Variants in CBL observed in about 807,000 individuals in gnomAD.
CBL encodes Cbl proto-oncogene.
A neutral mutation model predicts 96.9 loss-of-function variants in CBL; 45 were observed. The ratio of observed to expected loss-of-function variants is 0.46; its 90% CI spans 0.37 to 0.60. CBL has a LOEUF of 0.60. CBL is among the 20% of genes least tolerant of loss of function. The pLI, the probability that CBL is intolerant of heterozygous loss-of-function variation, is 0.00. For missense variants in CBL, 1,024 were observed against 1,143.5 expected (o/e 0.90, Z 1.51); for synonymous variants, 420 against 426.8 (o/e 0.98, Z 0.20).
chr11:119,278,046 G>C, intron 7 of CBL, 120 bp from the exon 8 acceptor site: 1 of 968,582 alleles, frequency 1.0e-6, no homozygotes. Context: ...ATAAACCACT[G>C]TTGTGACATT....
rs1343052424 is a variant in CBL at position 119,307,822 on chromosome 11, C to T, written c.*8041C>T. On this transcript the variant is annotated 3_prime_UTR_variant, in exon 16 of 16. Transcript: ENST00000264033. Reference sequence around the variant, plus strand: ...AGTGTTAAGAAGAAAACAAAACAAACACATAGGTGAGATTTTCGTGGACTA... The same window carrying T: ...AGTGTTAAGAAGAAAACAAAACAAATACATAGGTGAGATTTTCGTGGACTA... 9.4e-6 allele frequency: 2 copies of T among 211,664 alleles called. No individual in the cohort carries two copies. Among genetic ancestry groups the T allele is most frequent in the African/African-American group, 4.5e-5 (2 of 44,104 alleles). The allele number at this position is 211,664 out of a possible 1,614,324, so 13.1% of individuals were successfully genotyped here.
rs1949975722 is a variant in CBL, at chr11:119,285,393, T to A, written c.1768T>A (p.Trp590Arg). The A allele has an allele frequency of 1.2e-6, 2 of 1,614,172 alleles. No homozygotes were observed. Among genetic ancestry groups the A allele is most frequent in the East Asian group, 2.2e-5 (1 of 44,880 alleles). Residue 590 changes from tryptophan (W) to arginine (R), a missense_variant, in exon 11 of 16, where the codon TGG (tryptophan) becomes AGG (arginine). By Grantham distance (101) the Trp-to-Arg change is moderately radical. Transcript: ENST00000264033. ...CCCCTCTAGCCGCCTTGGAGACTCA[T>A]GGCTGCCCCGGCCAATCCCCAAAGT... ...PVPSSRLGDS[W>R]LPRPIPKVPV... is the part of the protein sequence containing the mutation.
At position 119,297,384 on chromosome 11, in the gene CBL, A is replaced by C; in HGVS notation, c.2154A>C (p.Arg718=). The change falls in exon 14 of 16, where the codon CGA becomes CGC. Residue 718 remains arginine (R), a splice_region_variant and synonymous_variant. Coordinates refer to ENST00000264033, the MANE Select transcript of CBL (RefSeq NM_005188.4). The part of the protein sequence containing the change: ...LRPLDTSQSS[R]ACDCDQQIDS... The stretch of plus-strand genomic sequence containing the variant: ...TTATGGCACTTTCCTTCTGGTTCAG[A>C]GCATGTGATTGCGACCAGCAGATTG... The C allele has an allele frequency of 6.2e-7, 1 of 1,610,244 alleles. No homozygotes were observed. Among genetic ancestry groups the C allele is most frequent in the Non-Finnish European group, 8.5e-7 (1 of 1,176,682 alleles).
intron 2 of CBL, among the ~76,000 whole-genome samples, chr11:119,261,134 G>A (rs1179538443): frequency 2.6e-5 from 4 of 151,490 alleles, no homozygotes; most frequent in African/African-American, 7.3e-5. Flanking sequence ...GGCTGGTCTC[G>A]AACTCCTGAC....
chr11:119,300,210 G>A lies in CBL; in HGVS notation c.*429G>A, dbSNP rs1338528576. 4.3e-6 allele frequency: 2 copies of A among 466,924 alleles called. No homozygotes were observed. Among genetic ancestry groups the A allele is most frequent in the East Asian group, 3.1e-5 (1 of 31,750 alleles). The allele number at this position is 466,924 out of a possible 1,614,324, so 28.9% of individuals were successfully genotyped here. On this transcript the variant is annotated 3_prime_UTR_variant, in exon 16 of 16. Transcript: ENST00000264033. ...ATTATAAGATTAACCTGCTGTGTGT[G>A]TTAATTCCAGGCAGGGAATTAGCAC...
intron 1 of CBL, among the ~76,000 whole-genome samples, chr11:119,230,335 G>T (rs185637375): frequency 6.6e-6 from 1 of 152,016 alleles, no homozygotes; most frequent in Non-Finnish European, 1.5e-5. Context: ...AGTATTTTTA[G>T]TAGAGACGGG....
chr11:119,228,085 C>T (rs560004434), intron 1 of CBL, among the ~76,000 whole-genome samples: 5 of 151,206 alleles, frequency 3.3e-5, no homozygotes, highest in South Asian at 2.1e-4. Flanking sequence ...TTCTAGGAGG[C>T]GTCCTCTTCT....
rs977990468 is a variant in CBL, at chr11:119,247,136, G to A, written c.443+14441G>A. On this transcript the variant is annotated intron_variant, in intron 2 of 15. Transcript: ENST00000264033. Reference sequence around the variant, plus strand: ...TTTGGAGAAACACTCTGCCAGTTATGCAAGTCTGAATAGCCATAGTTAGTC... The same window carrying A: ...TTTGGAGAAACACTCTGCCAGTTATACAAGTCTGAATAGCCATAGTTAGTC... Among the ~76,000 whole-genome samples the A allele has an allele frequency of 7.9e-5, 12 of 152,276 alleles. No homozygotes were observed. In the South Asian group the frequency reaches 1.7e-3, roughly 21 times the overall value.
chr11:119,236,046 A>G (rs762164771), intron 2 of CBL, among the ~76,000 whole-genome samples: 5 of 151,598 alleles, frequency 3.3e-5, no homozygotes, highest in Non-Finnish European at 7.4e-5. Flanking sequence ...TTTTTTTCCT[A>G]TTCAGTTTTT....
rs756435557 is a variant in CBL, at chr11:119,287,938, G to A, written c.2028G>A (p.Leu676=). 1 of 1,611,300 alleles carries A rather than the reference G, an allele frequency of 6.2e-7. No homozygotes were observed. The highest frequency in any genetic ancestry group is 1.1e-5 in the South Asian group (1 of 91,024). Residue 676 remains leucine, a synonymous_variant, in exon 12 of 16, where the codon CTG becomes CTA. Transcript: ENST00000264033. ...PSSSANAIYS[L]AARPLPVPKL... ...CATCTGCCAATGCCATTTATTCTCT[G>A]GCTGCCAGGTAAGTCTGCTAAAGCT...
At chr11:119,250,117 C>A (rs1359565895) in intron 2 of CBL, among the ~76,000 whole-genome samples, 1 of 152,126 alleles carries the variant, frequency 6.6e-6, no homozygotes, top group East Asian at 1.9e-4. Flanking sequence ...ACACTGGATT[C>A]TTTTATATTA....
At chr11:119,277,942 G>T in intron 7 of CBL, 98 bp downstream of exon 7, 2 of 956,354 alleles carry the variant, frequency 2.1e-6, no homozygotes, top group Non-Finnish European at 3.4e-6. Context: ...GGAACCCATT[G>T]ACTAGATTAG....
chr11:119,216,081 T>C (rs1388639169), intron 1 of CBL, among the ~76,000 whole-genome samples: 4 of 152,194 alleles, frequency 2.6e-5, no homozygotes, highest in Non-Finnish European at 5.9e-5. Context: ...GCCACTATCA[T>C]AGATGGACCT....
chr11:119,211,395 A>G (rs1180504284), intron 1 of CBL, among the ~76,000 whole-genome samples: 1 of 152,062 alleles, frequency 6.6e-6, no homozygotes, highest in Admixed American at 6.6e-5. Flanking sequence ...AAAAAATCTT[A>G]TTGTATGGTA....
intron 12 of CBL, among the ~76,000 whole-genome samples, chr11:119,290,866 CAG>C (rs1313051773): frequency 2.2e-4 from 34 of 151,510 alleles, no homozygotes; most frequent in Non-Finnish European, 3.4e-4. Flanking sequence ...TTAGTAGTAA[CAG>C]GGTTTCACCA....
intron 2 of CBL, among the ~76,000 whole-genome samples, chr11:119,235,998 C>G (rs577007866): frequency 1.3e-5 from 2 of 151,816 alleles, no homozygotes; most frequent in Non-Finnish European, 2.9e-5. Context: ...AGGGTTTTTG[C>G]GAATGATCTT....
intron 9 of CBL, among the ~76,000 whole-genome samples, chr11:119,283,616 T>A (rs1428018765): frequency 1.4e-5 from 2 of 145,238 alleles, no homozygotes; most frequent in Non-Finnish European, 3.0e-5. Flanking sequence ...TAATCCTTTT[T>A]AATTCTTTCT....
chr11:119,245,580 T>C (rs1949620604), intron 2 of CBL, among the ~76,000 whole-genome samples: 1 of 151,776 alleles, frequency 6.6e-6, no homozygotes, highest in Non-Finnish European at 1.5e-5. Context: ...AATACAAAAA[T>C]TACCCGGGCA....
intron 2 of CBL, among the ~76,000 whole-genome samples, chr11:119,262,353 T>C (rs1379773908): frequency 1.3e-5 from 2 of 152,112 alleles, no homozygotes; most frequent in African/African-American, 4.8e-5. Flanking sequence ...ATAAAAACAT[T>C]AGTGGAAAAA....
Sources: allele counts gnomAD v4.1 joint callset (sites outside exome capture counted in the v4.1 genomes callset), GRCh38; gene constraint gnomAD v4.1.1; transcripts MANE v1.5; gene names NCBI Gene and HGNC (gene_info 2026-07-23, HGNC 2026-07-21).